TUNAR: variants seen among roughly 807,000 people sequenced by gnomAD.
TUNAR encodes the protein transmembrane neural differentiation associated intracellular calcium regulator.
At chr14:95,919,215 C>T (rs913244577) in intron 2 of TUNAR, among the ~76,000 whole-genome samples, 4 of 152,218 alleles carry the variant, frequency 2.6e-5, no homozygotes, top group Non-Finnish European at 5.9e-5. Context: ...CAAACAGACA[C>T]AACCACTTTG....
intron 2 of TUNAR, among the ~76,000 whole-genome samples, chr14:95,904,669 A>C (rs1285831434): frequency 1.3e-5 from 2 of 152,226 alleles, no homozygotes; most frequent in African/African-American, 4.8e-5. Flanking sequence ...CCCAGAACCC[A>C]GGGCCCTTGA....
Position 95,915,648 on chromosome 14 carries a change from C to T in TUNAR, c.13-7133C>T, listed in dbSNP as rs575390671. ...AGCCCTGCCCGGCTGGGATTCCACA[C>T]TGAACCCTGAGTCCCCCTGCAGGGC... On this transcript the variant is annotated intron_variant, in intron 2 of 2. Coordinates refer to ENST00000678517, the Ensembl canonical transcript of TUNAR. Among the ~76,000 whole-genome samples the T allele has an allele frequency of 3.3e-5, 5 of 152,382 alleles. No homozygotes were observed. In the East Asian group the frequency reaches 9.6e-4, roughly 29 times the overall value.
intron 2 of TUNAR, among the ~76,000 whole-genome samples, chr14:95,919,931 G>A (rs1365568067): frequency 6.6e-6 from 1 of 152,156 alleles, no homozygotes; most frequent in African/African-American, 2.4e-5. Flanking sequence ...AAAGATGTAT[G>A]TATATGCTTG....
intron 2 of TUNAR, among the ~76,000 whole-genome samples, chr14:95,887,141 C>T (rs1304910498): frequency 6.6e-6 from 1 of 152,206 alleles, no homozygotes; most frequent in Non-Finnish European, 1.5e-5. Flanking sequence ...CTGGGAAAGC[C>T]TTTCATCCTG....
intron 2 of TUNAR, among the ~76,000 whole-genome samples, chr14:95,921,232 G>A (rs1156651170): frequency 2.0e-5 from 3 of 152,128 alleles, no homozygotes; most frequent in Non-Finnish European, 4.4e-5. Context: ...CCAGAATAAC[G>A]CATGACCAGC....
chr14:95,904,780 T>C (rs1430284155), intron 2 of TUNAR, among the ~76,000 whole-genome samples: 1 of 152,010 alleles, frequency 6.6e-6, no homozygotes, highest in East Asian at 1.9e-4. Flanking sequence ...GTCCAGGAGG[T>C]GGAGGGGCTG....
At chr14:95,901,358 C>T (rs1474656288) in intron 2 of TUNAR, among the ~76,000 whole-genome samples, 1 of 152,222 alleles carries the variant, frequency 6.6e-6, no homozygotes, top group Non-Finnish European at 1.5e-5. Flanking sequence ...CTCTTCCTCC[C>T]CAGAGAGTTG....
chr14:95,924,384 T>C (rs1174339634), exon 3 of TUNAR: 1 of 152,250 alleles, frequency 6.6e-6, no homozygotes, highest in African/African-American at 2.4e-5. Context: ...AAAAACAAAT[T>C]AGCTCCCTTC....
At chr14:95,891,684 C>T (rs1031381267) in intron 2 of TUNAR, among the ~76,000 whole-genome samples, 2 of 152,226 alleles carry the variant, frequency 1.3e-5, no homozygotes, top group African/African-American at 2.4e-5. Flanking sequence ...TTGTCTGTTA[C>T]GTGTCCTAGC....
chr14:95,911,735 G>T (rs976349192), intron 2 of TUNAR, among the ~76,000 whole-genome samples: 32 of 152,214 alleles, frequency 2.1e-4, no homozygotes, highest in African/African-American at 7.7e-4. Flanking sequence ...GCAAGTAATG[G>T]AAAGAATTTG....
chr14:95,923,303 A>G (rs970477749), exon 3 of TUNAR: 1 of 198,274 alleles, frequency 5.0e-6, no homozygotes, highest in Non-Finnish European at 1.0e-5. Context: ...TCGCTGACAG[A>G]TATCACATAT....
intron 2 of TUNAR, among the ~76,000 whole-genome samples, chr14:95,908,700 C>T (rs945520429): frequency 1.3e-5 from 2 of 152,208 alleles, no homozygotes; most frequent in African/African-American, 4.8e-5. Context: ...GCCTTCTTCC[C>T]CTCTCCATGT....
At chr14:95,922,502 G>C (rs1889713724) in intron 2 of TUNAR, among the ~76,000 whole-genome samples, 1 of 152,184 alleles carries the variant, frequency 6.6e-6, no homozygotes, top group Non-Finnish European at 1.5e-5. Flanking sequence ...AGGGAAGGGG[G>C]GAAAACCAGC....
chr14:95,904,070 G>A (rs542167354), intron 2 of TUNAR, among the ~76,000 whole-genome samples: 1 of 152,334 alleles, frequency 6.6e-6, no homozygotes, highest in South Asian at 2.1e-4. Flanking sequence ...GGAGTGAGTG[G>A]CCATCTATAA....
intron 2 of TUNAR, among the ~76,000 whole-genome samples, chr14:95,904,105 T>C (rs964869655): frequency 2.0e-5 from 3 of 152,102 alleles, no homozygotes; most frequent in African/African-American, 7.2e-5. Context: ...GCAAGGTGGA[T>C]TTTGCAGATC....
chr14:95,892,096 C>T (rs1010971960), intron 2 of TUNAR, among the ~76,000 whole-genome samples: 1 of 152,360 alleles, frequency 6.6e-6, no homozygotes, highest in African/African-American at 2.4e-5. Context: ...GTCACAGGTA[C>T]TAACAGTTAG....
At chr14:95,896,900 C>T (rs1225780903) in intron 2 of TUNAR, among the ~76,000 whole-genome samples, 1 of 152,218 alleles carries the variant, frequency 6.6e-6, no homozygotes, top group Non-Finnish European at 1.5e-5. Flanking sequence ...CTCTCCAGCT[C>T]CCAGAGCGTG....
chr14:95,893,960 C>T (rs571710729), intron 2 of TUNAR, among the ~76,000 whole-genome samples: 46 of 152,366 alleles, frequency 3.0e-4, no homozygotes, highest in Admixed American at 5.9e-4. Flanking sequence ...CCAGTGTGTG[C>T]CTGGCACCCA....
At chr14:95,907,266 C>G (rs951388246) in intron 2 of TUNAR, among the ~76,000 whole-genome samples, 1 of 152,266 alleles carries the variant, frequency 6.6e-6, no homozygotes, top group Middle Eastern at 3.4e-3. Context: ...GATGAACTTG[C>G]GTGTGTGTTT....
Sources: allele counts gnomAD v4.1 joint callset (sites outside exome capture counted in the v4.1 genomes callset), GRCh38; gene constraint gnomAD v4.1.1; transcripts MANE v1.5; gene names NCBI Gene and HGNC (gene_info 2026-07-23, HGNC 2026-07-21).